PPARGC1A: variants seen among roughly 807,000 people sequenced by gnomAD.
PPARGC1A encodes the protein peroxisome proliferator-activated receptor gamma coactivator 1-alpha.
A neutral mutation model predicts 88.7 loss-of-function variants in PPARGC1A; 25 were observed. That is an observed-to-expected ratio of 0.28 (90% CI 0.21 to 0.39). PPARGC1A has a LOEUF of 0.39. Ranked by LOEUF, PPARGC1A falls within the 10% of genes least tolerant of loss-of-function variation. The pLI is 1.00. For missense variants in PPARGC1A, 880 were observed against 968.7 expected, an observed-to-expected ratio of 0.91 and a Z score of 1.22; for synonymous variants, 363 against 355.6, an observed-to-expected ratio of 1.02 and a Z score of -0.24.
At chr4:24,037,875 C>T in the PPARGC1A span, among the ~76,000 whole-genome samples, 1 of 152,200 alleles carries the variant, frequency 6.6e-6, no homozygotes, top group East Asian at 1.9e-4. Flanking sequence ...ACAGCTTGCT[C>T]ATCCCATACC....
At chr4:24,259,916 CTGT>C in the PPARGC1A span, among the ~76,000 whole-genome samples, 1,285 of 152,170 alleles carry the variant, frequency 8.4e-3, 42 homozygotes, top group East Asian at 0.12. Context: ...TAATAAACAC[CTGT>C]TGTTATCATT....
chr4:24,340,683 A>AT, the PPARGC1A span, among the ~76,000 whole-genome samples: 1 of 152,094 alleles, frequency 6.6e-6, no homozygotes, highest in Non-Finnish European at 1.5e-5. Context: ...ATGATGGCAG[A>AT]TTTTTTTTCA....
chr4:24,446,358 T>C, the PPARGC1A span, among the ~76,000 whole-genome samples: 1 of 152,228 alleles, frequency 6.6e-6, no homozygotes, highest in Non-Finnish European at 1.5e-5. Flanking sequence ...ATATACCTGT[T>C]GGCCATTTGT....
the PPARGC1A span, among the ~76,000 whole-genome samples, chr4:23,947,681 G>A: frequency 3.9e-5 from 6 of 152,002 alleles, no homozygotes; most frequent in African/African-American, 1.2e-4. Context: ...TGTGGAGACT[G>A]CACTCCATGG....
At chr4:24,018,999 C>A in the PPARGC1A span, among the ~76,000 whole-genome samples, 10 of 152,084 alleles carry the variant, frequency 6.6e-5, no homozygotes, top group Non-Finnish European at 1.5e-5. Flanking sequence ...TTATGCTCAG[C>A]ATATTTGAAC....
At chr4:24,293,994 A>C in the PPARGC1A span, among the ~76,000 whole-genome samples, 1 of 152,164 alleles carries the variant, frequency 6.6e-6, no homozygotes, top group Non-Finnish European at 1.5e-5. Flanking sequence ...CTTTTGGATC[A>C]AGTTTGGCAG....
At chr4:24,094,831 G>A in the PPARGC1A span, among the ~76,000 whole-genome samples, 2 of 151,114 alleles carry the variant, frequency 1.3e-5, no homozygotes, top group Non-Finnish European at 3.0e-5. Flanking sequence ...TTTCTTCTTT[G>A]TTGGATGTTT....
At chr4:23,970,936 T>C in the PPARGC1A span, among the ~76,000 whole-genome samples, 95 of 152,314 alleles carry the variant, frequency 6.2e-4, no homozygotes, top group African/African-American at 2.3e-3. Context: ...CACACAGGCC[T>C]GATATTCAGC....
chr4:23,913,085 G>A, the PPARGC1A span, among the ~76,000 whole-genome samples: 1 of 149,656 alleles, frequency 6.7e-6, no homozygotes, highest in African/African-American at 2.4e-5. Flanking sequence ...GATTACAGGC[G>A]TGAGCCACCG....
At chr4:23,839,107 A>G (rs1037597323) in intron 2 of PPARGC1A, among the ~76,000 whole-genome samples, 3 of 152,220 alleles carry the variant, frequency 2.0e-5, no homozygotes, top group African/African-American at 7.2e-5. Flanking sequence ...ACATATTCCT[A>G]TTTAAACAGG....
chr4:23,972,998 T>C, the PPARGC1A span, among the ~76,000 whole-genome samples: 1 of 152,182 alleles, frequency 6.6e-6, no homozygotes, highest in South Asian at 2.1e-4. Context: ...ATTAACTGCA[T>C]TATTATTCAA....
chr4:24,026,366 T>A, the PPARGC1A span, among the ~76,000 whole-genome samples: 4 of 152,302 alleles, frequency 2.6e-5, no homozygotes, highest in Admixed American at 1.3e-4. Flanking sequence ...GATTCAGAAG[T>A]ACATGGAACT....
the PPARGC1A span, among the ~76,000 whole-genome samples, chr4:24,019,482 T>C: frequency 2.0e-5 from 3 of 152,216 alleles, no homozygotes; most frequent in African/African-American, 7.2e-5. Flanking sequence ...CACACTCTTC[T>C]ACTACCCTGA....
At chr4:24,145,166 A>G in the PPARGC1A span, among the ~76,000 whole-genome samples, 2 of 151,670 alleles carry the variant, frequency 1.3e-5, no homozygotes, top group African/African-American at 4.8e-5. Flanking sequence ...CTTTACATGT[A>G]TTTACATATT....
chr4:24,436,832 G>A, the PPARGC1A span, among the ~76,000 whole-genome samples: 1 of 149,652 alleles, frequency 6.7e-6, no homozygotes, highest in Admixed American at 6.7e-5. Context: ...TCACAGAGCT[G>A]ACATCGATTG....
the PPARGC1A span, among the ~76,000 whole-genome samples, chr4:24,374,020 T>G: frequency 6.6e-6 from 1 of 152,208 alleles, no homozygotes; most frequent in Non-Finnish European, 1.5e-5. Flanking sequence ...ACACCACTTG[T>G]CAGTATTTTT....
At chr4:24,241,906 C>T in the PPARGC1A span, among the ~76,000 whole-genome samples, 41 of 152,282 alleles carry the variant, frequency 2.7e-4, no homozygotes, top group African/African-American at 7.7e-4. Context: ...TTATCCCTGT[C>T]GTTTTGCTCC....
the PPARGC1A span, among the ~76,000 whole-genome samples, chr4:24,201,287 T>C: frequency 2.6e-5 from 4 of 152,344 alleles, no homozygotes; most frequent in African/African-American, 7.2e-5. Flanking sequence ...GAAAAGAACC[T>C]TAAACAGTCA....
chr4:23,889,437 CAGAG>C, intron 1 of PPARGC1A: 2 of 933,918 alleles, frequency 2.1e-6, no homozygotes, highest in Non-Finnish European at 2.6e-6. Context: ...GTCTGATGAA[CAGAG>C]AGAGAGGGGG....
Sources: gnomAD v4.1 joint callset for allele counts (sites outside exome capture counted in the v4.1 genomes callset) on GRCh38, gnomAD v4.1.1 for gene constraint, MANE v1.5 for transcripts, NCBI Gene and HGNC (gene_info 2026-07-23, HGNC 2026-07-21) for gene names.